Variants in RNF182 observed in about 807,000 individuals in gnomAD.
RNF182 encodes E3 ubiquitin-protein ligase RNF182.
A neutral mutation model predicts 14.4 loss-of-function variants in RNF182; 15 were observed. The ratio of observed to expected loss-of-function variants is 1.04; its 90% CI spans 0.70 to 1.60. RNF182 has a LOEUF of 1.60. RNF182 is among the 40% of genes most tolerant of loss of function. The pLI is 0.00. For synonymous variants in RNF182, 128 were observed against 122.9 expected (o/e 1.04, Z -0.27); for missense variants, 268 against 294.8 (o/e 0.91, Z 0.67).
chr6:13,925,613 T>G (rs1585026111), intron 1 of RNF182, among the ~76,000 whole-genome samples: 2 of 152,320 alleles, frequency 1.3e-5, no homozygotes, highest in South Asian at 4.1e-4. Flanking sequence ...GTAGCCCGGC[T>G]TTCCCCGACT....
At chr6:13,955,592 G>T (rs1050088266) in intron 1 of RNF182, among the ~76,000 whole-genome samples, 71 of 152,314 alleles carry the variant, frequency 4.7e-4, no homozygotes, top group African/African-American at 1.6e-3. Flanking sequence ...CACAGGAGGA[G>T]CCCCATGGCT....
intron 1 of RNF182, among the ~76,000 whole-genome samples, chr6:13,959,965 C>T (rs1759825916): frequency 6.6e-6 from 1 of 151,198 alleles, no homozygotes; most frequent in Non-Finnish European, 1.5e-5. Context: ...AGAGTGCAAG[C>T]AAGGGCTAGG....
chr6:13,956,380 A>G (rs1483852565), intron 1 of RNF182, among the ~76,000 whole-genome samples: 1 of 150,502 alleles, frequency 6.6e-6, no homozygotes, highest in Non-Finnish European at 1.5e-5. Context: ...GCTGGAGTGC[A>G]ATGGTGTGAT....
At chr6:13,954,240 T>G (rs896586567) in intron 1 of RNF182, among the ~76,000 whole-genome samples, 2 of 152,336 alleles carry the variant, frequency 1.3e-5, no homozygotes, top group Admixed American at 6.5e-5. Flanking sequence ...GACTTGCCTT[T>G]AAATAATATA....
intron 1 of RNF182, among the ~76,000 whole-genome samples, chr6:13,961,748 A>G (rs981241045): frequency 5.9e-5 from 9 of 152,176 alleles, no homozygotes; most frequent in African/African-American, 2.2e-4. Context: ...ATGACTCTCC[A>G]TCAAATTAAA....
At position 13,979,384 on chromosome 6, in the gene RNF182, T is replaced by C; in HGVS notation, c.*1521T>C. Reference sequence around the variant, plus strand: ...AAAGGGGGCATTACTAAGACGACTTTAACTTGTTATGAAATCTTTGTTGTG... The same window carrying C: ...AAAGGGGGCATTACTAAGACGACTTCAACTTGTTATGAAATCTTTGTTGTG... On this transcript the variant is annotated 3_prime_UTR_variant, in exon 3 of 3. Transcript: ENST00000488300. 6.0e-6 allele frequency: 1 copy of C among 167,194 alleles called. No homozygotes were observed. 10.4% of individuals were successfully genotyped at this position (167,194 alleles called of 1,614,324 possible).
At chr6:13,936,466 TG>T (rs1382520216) in intron 1 of RNF182, among the ~76,000 whole-genome samples, 3 of 152,244 alleles carry the variant, frequency 2.0e-5, no homozygotes, top group Admixed American at 2.0e-4. Context: ...CGTGGTTGAT[TG>T]GTCTATAAAT....
rs1758777888 is a variant in RNF182, at chr6:13,925,007, G to T, written c.-383G>T. On this transcript the variant is annotated 5_prime_UTR_variant, in exon 1 of 3. Transcript: ENST00000488300. ...GCAGCCGGAGCGGCTCCCGGGCCCT[G>T]GGCCGCCGCCGGCCAGGTAAGGCGA... The T allele has an allele frequency of 9.2e-6, 1 of 108,300 alleles. No individual in the cohort carries two copies. Among genetic ancestry groups the T allele is most frequent in the Non-Finnish European group, 2.0e-5 (1 of 49,308 alleles). 6.7% of individuals were successfully genotyped at this position (108,300 alleles called of 1,614,324 possible). A position where few individuals can be genotyped will look rare whatever the true frequency, so the allele number is the denominator to read the frequency against.
At chr6:13,949,432 T>G in intron 1 of RNF182, 1 of 713,446 alleles carries the variant, frequency 1.4e-6, no homozygotes, top group African/African-American at 1.8e-5. Flanking sequence ...CTGTCATCTA[T>G]AGGTTTCTTT....
intron 1 of RNF182, chr6:13,949,185 T>C (rs1398583494): frequency 6.2e-6 from 5 of 804,484 alleles, no homozygotes; most frequent in South Asian, 4.0e-5. Flanking sequence ...CTACCAAAAC[T>C]GTGTGTCAAG....
At chr6:13,973,454 AC>A (rs1310365101) in intron 1 of RNF182, among the ~76,000 whole-genome samples, 1 of 152,126 alleles carries the variant, frequency 6.6e-6, no homozygotes, top group Non-Finnish European at 1.5e-5. Context: ...GTGTGTCCCC[AC>A]CCAAATCTGA....
At chr6:13,969,104 T>TG (rs1484564134) in intron 1 of RNF182, among the ~76,000 whole-genome samples, 16 of 138,716 alleles carry the variant, frequency 1.2e-4, no homozygotes, top group Middle Eastern at 3.5e-3. Context: ...TGTCTCTGTT[T>TG]TTTGTTGTTG....
At chr6:13,957,649 G>A (rs955542055) in intron 1 of RNF182, among the ~76,000 whole-genome samples, 3 of 152,110 alleles carry the variant, frequency 2.0e-5, no homozygotes, top group Non-Finnish European at 4.4e-5. Context: ...TGAGCAAAAC[G>A]TTTTGGTTTG....
intron 1 of RNF182, among the ~76,000 whole-genome samples, chr6:13,968,275 C>T (rs543471402): frequency 1.7e-4 from 26 of 152,204 alleles, no homozygotes; most frequent in African/African-American, 2.4e-4. Flanking sequence ...AAGACGATAA[C>T]AGAATTTGCG....
At chr6:13,959,768 G>A (rs1759819789) in intron 1 of RNF182, among the ~76,000 whole-genome samples, 1 of 152,190 alleles carries the variant, frequency 6.6e-6, no homozygotes, top group African/African-American at 2.4e-5. Flanking sequence ...TTTGGTGGTA[G>A]TGAGAGGTGA....
chr6:13,935,299 A>G (rs1013358666), intron 1 of RNF182, among the ~76,000 whole-genome samples: 4 of 139,308 alleles, frequency 2.9e-5, no homozygotes, highest in Admixed American at 7.1e-5. Context: ...GGGCAGAAAC[A>G]ATGTCTTTTT....
In RNF182 at chr6:13,940,946, A is replaced by G. The variant is rs1269411002; in HGVS notation, c.-367+15923A>G. 2.6e-5 allele frequency among the ~76,000 whole-genome samples: 4 copies of G among 152,202 alleles called. No homozygotes were observed. The East Asian group carries it at 7.7e-4, about 29-fold the overall frequency. ...TCAAAGAACACGCTATTAACATTTTAGTCTTTTTTTTTGAGACTATTCTTA... is the reference window on the plus strand; with the variant it reads ...TCAAAGAACACGCTATTAACATTTTGGTCTTTTTTTTTGAGACTATTCTTA... On this transcript the variant is annotated intron_variant, in intron 1 of 2. Coordinates refer to ENST00000488300, the MANE Select transcript of RNF182 (RefSeq NM_152737.4).
intron 1 of RNF182, among the ~76,000 whole-genome samples, chr6:13,936,327 G>T (rs917304505): frequency 3.3e-5 from 5 of 152,214 alleles, no homozygotes; most frequent in African/African-American, 1.2e-4. Context: ...GGAAGAGTTA[G>T]AAATCCTTAA....
chr6:13,960,642 GGAGGGAGA>G (rs1183567124), intron 1 of RNF182, among the ~76,000 whole-genome samples: 1 of 135,262 alleles, frequency 7.4e-6, no homozygotes, highest in Non-Finnish European at 1.6e-5. Context: ...CTTTTTTGAT[GGAGGGAGA>G]GAGAGAGTGT....
Sources: allele counts gnomAD v4.1 joint callset (sites outside exome capture counted in the v4.1 genomes callset), GRCh38; gene constraint gnomAD v4.1.1; transcripts MANE v1.5; gene names NCBI Gene and HGNC (gene_info 2026-07-23, HGNC 2026-07-21).